CDKAL1: variants seen among roughly 807,000 people sequenced by gnomAD.
The protein encoded by CDKAL1 is CDKAL1 threonylcarbamoyladenosine tRNA methylthiotransferase.
A neutral mutation model predicts 68.2 loss-of-function variants in CDKAL1; 32 were observed. That is an observed-to-expected ratio of 0.47 (90% confidence interval 0.35 to 0.63). CDKAL1 has a LOEUF of 0.63. Ranked by LOEUF, CDKAL1 falls within the 30% of genes least tolerant of loss-of-function variation. The pLI is 0.00. For missense variants in CDKAL1, 606 were observed against 696.7 expected (o/e 0.87, Z 1.47); for synonymous variants, 234 against 244.3 (o/e 0.96, Z 0.39).
At chr6:20,650,449 T>C (rs1289296986) in intron 5 of CDKAL1, among the ~76,000 whole-genome samples, 2 of 152,210 alleles carry the variant, frequency 1.3e-5, no homozygotes, top group African/African-American at 4.8e-5. Flanking sequence ...TTATAGATTC[T>C]GGATATCAGA....
chr6:20,878,895 A>G (rs62398108), intron 9 of CDKAL1, among the ~76,000 whole-genome samples: 31,358 of 151,660 alleles, frequency 0.21, 3,333 homozygotes, highest in East Asian at 0.33. Context: ...CCTGGCCAAC[A>G]TGGTGAAACC....
chr6:20,829,465 C>T (rs1179729336), intron 8 of CDKAL1, among the ~76,000 whole-genome samples: 2 of 152,144 alleles, frequency 1.3e-5, no homozygotes, highest in South Asian at 2.1e-4. Flanking sequence ...ATTACAGATT[C>T]GTTATATTAG....
At chr6:20,830,434 C>T (rs9348448) in intron 8 of CDKAL1, among the ~76,000 whole-genome samples, 60,804 of 151,846 alleles carry the variant, frequency 0.4, 12,512 homozygotes, top group Non-Finnish European at 0.44. Flanking sequence ...ACTCTGTTTC[C>T]TCAGGTAAAG....
chr6:20,622,438 A>G (rs1187036356), intron 4 of CDKAL1, among the ~76,000 whole-genome samples: 1 of 152,084 alleles, frequency 6.6e-6, no homozygotes, highest in African/African-American at 2.4e-5. Flanking sequence ...TTTTCACAGT[A>G]TTGCTTTCTG....
At chr6:20,859,131 T>C (rs550705812) in intron 9 of CDKAL1, among the ~76,000 whole-genome samples, 1 of 152,256 alleles carries the variant, frequency 6.6e-6, no homozygotes, top group East Asian at 1.9e-4. Context: ...ATTTGAAACA[T>C]TTGATAAACT....
intron 8 of CDKAL1, among the ~76,000 whole-genome samples, chr6:20,788,988 T>C (rs1320760539): frequency 6.6e-6 from 1 of 152,234 alleles, no homozygotes; most frequent in Non-Finnish European, 1.5e-5. Context: ...GCAGTGTTTC[T>C]TAAATGCAGA....
At chr6:20,943,925 T>C (rs1229393348) in intron 9 of CDKAL1, among the ~76,000 whole-genome samples, 1 of 152,160 alleles carries the variant, frequency 6.6e-6, no homozygotes, top group Non-Finnish European at 1.5e-5. Flanking sequence ...TGTCTCCAAA[T>C]ATATAAATAA....
chr6:20,892,061 G>A (rs915414008), intron 9 of CDKAL1, among the ~76,000 whole-genome samples: 8 of 152,072 alleles, frequency 5.3e-5, no homozygotes, highest in African/African-American at 1.9e-4. Flanking sequence ...TGTTTGCACC[G>A]TCTCCCCTGA....
At chr6:20,889,492 T>G (rs1484566938) in intron 9 of CDKAL1, among the ~76,000 whole-genome samples, 3 of 152,286 alleles carry the variant, frequency 2.0e-5, no homozygotes, top group African/African-American at 7.2e-5. Context: ...TTCTAGGGTT[T>G]TTATGGTTTT....
chr6:20,668,711 A>G (rs558359478), intron 5 of CDKAL1, among the ~76,000 whole-genome samples: 1 of 152,320 alleles, frequency 6.6e-6, no homozygotes, highest in South Asian at 2.1e-4. Flanking sequence ...ATTGATACAG[A>G]CTTAATTCAC....
intron 13 of CDKAL1, among the ~76,000 whole-genome samples, chr6:21,182,529 G>A (rs1316991669): frequency 6.6e-6 from 1 of 152,142 alleles, no homozygotes; most frequent in Non-Finnish European, 1.5e-5. Flanking sequence ...CCCTGCTGTA[G>A]TGCTATATGT....
intron 15 of CDKAL1, among the ~76,000 whole-genome samples, chr6:21,228,039 C>T (rs1479490771): frequency 6.6e-6 from 1 of 152,210 alleles, no homozygotes; most frequent in Admixed American, 6.5e-5. Flanking sequence ...GTCAGCCTGA[C>T]ACCTGGCCTG....
intron 4 of CDKAL1, among the ~76,000 whole-genome samples, chr6:20,626,146 G>C (rs998808268): frequency 6.6e-5 from 10 of 152,078 alleles, no homozygotes; most frequent in Admixed American, 1.3e-4. Flanking sequence ...GTTAGAGTTA[G>C]TCTCATTGTT....
chr6:20,680,356 C>T (rs58554007), intron 5 of CDKAL1, among the ~76,000 whole-genome samples: 2,828 of 152,276 alleles, frequency 0.019, 74 homozygotes, highest in African/African-American at 0.064. Flanking sequence ...CGTGAGCCAC[C>T]ACACCCGGTC....
chr6:20,752,268 G>A (rs964913851), intron 6 of CDKAL1, among the ~76,000 whole-genome samples: 1 of 151,160 alleles, frequency 6.6e-6, no homozygotes, highest in African/African-American at 2.4e-5. Flanking sequence ...AGTTTTGGCA[G>A]ATCTTTCTTT....
At chr6:21,209,043 G>T (rs1205894294) in intron 15 of CDKAL1, among the ~76,000 whole-genome samples, 2 of 152,154 alleles carry the variant, frequency 1.3e-5, no homozygotes, top group Non-Finnish European at 2.9e-5. Flanking sequence ...GAGGGAAATT[G>T]CATGCATCAG....
At chr6:20,601,011 T>C (rs185595760) in intron 4 of CDKAL1, among the ~76,000 whole-genome samples, 65 of 152,148 alleles carry the variant, frequency 4.3e-4, no homozygotes, top group Admixed American at 4.0e-3. Flanking sequence ...AACAGTCATG[T>C]ATTTACTCAG....
intron 13 of CDKAL1, among the ~76,000 whole-genome samples, chr6:21,187,080 G>A (rs986028611): frequency 6.6e-5 from 10 of 152,040 alleles, no homozygotes; most frequent in Admixed American, 3.9e-4. Context: ...TTTGAAATCC[G>A]GTGTGTACTT....
intron 8 of CDKAL1, among the ~76,000 whole-genome samples, chr6:20,826,833 G>A (rs1357928677): frequency 6.6e-6 from 1 of 152,076 alleles, no homozygotes; most frequent in Non-Finnish European, 1.5e-5. Context: ...CAAACTACCA[G>A]TCTTGTTGGC....
Sources: gnomAD v4.1 joint callset for allele counts (sites outside exome capture counted in the v4.1 genomes callset) on GRCh38, gnomAD v4.1.1 for gene constraint, MANE v1.5 for transcripts, NCBI Gene and HGNC (gene_info 2026-07-23, HGNC 2026-07-21) for gene names.